Variants in ORC2 observed in about 807,000 individuals in gnomAD.
The protein encoded by ORC2 is origin recognition complex protein 2 homolog.
In ORC2, 37 loss-of-function variants were observed where a neutral mutation model predicts 77.7. That is an observed-to-expected ratio of 0.48 (90% confidence interval 0.37 to 0.63). The LOEUF (loss-of-function observed/expected upper bound fraction) is 0.63. Among genes scored for constraint, ORC2 ranks in the 20% least tolerant of loss-of-function variants. ORC2 has a pLI of 0.00. For missense variants in ORC2, 557 were observed against 661.9 expected, an observed-to-expected ratio of 0.84 and a Z score of 1.74; for synonymous variants, 201 against 229.5, an observed-to-expected ratio of 0.88 and a Z score of 1.12.
At chr2:200,938,529 G>A (rs927835431) in intron 7 of ORC2, among the ~76,000 whole-genome samples, 10 of 151,988 alleles carry the variant, frequency 6.6e-5, no homozygotes, top group African/African-American at 1.9e-4. Context: ...CTTTTTGTAG[G>A]AGTACAAAGT....
chr2:200,933,785 C>T (rs968544947), intron 10 of ORC2, 91 bp downstream of exon 10: 1 of 637,030 alleles, frequency 1.6e-6, no homozygotes. Context: ...AATAATTCTA[C>T]TTGTGTATAC....
At chr2:200,918,572 T>C (rs1224243076) in intron 15 of ORC2, among the ~76,000 whole-genome samples, 2 of 151,138 alleles carry the variant, frequency 1.3e-5, no homozygotes, top group South Asian at 2.1e-4. Flanking sequence ...TACTGCAACC[T>C]CCGCCTCCTG....
intron 17 of ORC2, among the ~76,000 whole-genome samples, chr2:200,912,538 C>T (rs1242112208): frequency 2.0e-5 from 3 of 152,160 alleles, no homozygotes; most frequent in Non-Finnish European, 4.4e-5. Context: ...ACCTCAGCCT[C>T]CTGGGCAGCT....
chr2:200,910,225 A>C lies in ORC2; in HGVS notation c.*1076T>G, dbSNP rs1479956180. 6.6e-6 allele frequency: 1 copy of C among 152,234 alleles called. No individual in the cohort carries two copies. The highest frequency in any genetic ancestry group is 1.5e-5 in the Non-Finnish European group (1 of 68,044). The allele number at this position is 152,234 out of a possible 1,614,324, so 9.4% of individuals were successfully genotyped here. A position where few individuals can be genotyped will look rare whatever the true frequency, so the allele number is the denominator to read the frequency against. Reference sequence around the variant, plus strand: ...ATTTTCAGGAAGAACTTCATTTCCAAGTGTCAAATATTTCAGGGGGTATGT... The same window carrying C: ...ATTTTCAGGAAGAACTTCATTTCCACGTGTCAAATATTTCAGGGGGTATGT... On this transcript the variant is annotated 3_prime_UTR_variant, in exon 18 of 18. Transcript: ENST00000234296.
At chr2:200,956,058 T>C (rs1054216596) in intron 4 of ORC2, among the ~76,000 whole-genome samples, 1 of 152,172 alleles carries the variant, frequency 6.6e-6, no homozygotes, top group Non-Finnish European at 1.5e-5. Context: ...AAGTTAAAAA[T>C]ATAAATATCT....
At chr2:200,953,359 T>C (rs2041400914) in intron 4 of ORC2, among the ~76,000 whole-genome samples, 1 of 151,798 alleles carries the variant, frequency 6.6e-6, no homozygotes, top group African/African-American at 2.4e-5. Context: ...AACGATATGT[T>C]AAATTTAAAA....
At chr2:200,945,709 T>G (rs932103529) in intron 5 of ORC2, among the ~76,000 whole-genome samples, 3 of 152,238 alleles carry the variant, frequency 2.0e-5, no homozygotes, top group Non-Finnish European at 4.4e-5. Flanking sequence ...TTTAGATTAG[T>G]CTATTATCTG....
At chr2:200,945,181 T>G (rs1291434080) in intron 5 of ORC2, among the ~76,000 whole-genome samples, 1 of 152,258 alleles carries the variant, frequency 6.6e-6, no homozygotes, top group Non-Finnish European at 1.5e-5. Context: ...TGTACAGTTT[T>G]TATTCTTTTC....
intron 4 of ORC2, among the ~76,000 whole-genome samples, chr2:200,952,067 T>C (rs2125024686): frequency 6.6e-6 from 1 of 152,138 alleles, no homozygotes; most frequent in South Asian, 2.1e-4. Flanking sequence ...AATGGGAATA[T>C]ACAATTGTCC....
rs780486728 is a variant in ORC2 at position 200,926,861 on chromosome 2, C to T, written c.957G>A (p.Lys319=). 1.2e-5 allele frequency: 20 copies of T among 1,613,904 alleles called. No homozygotes were observed. The East Asian group carries it at 1.8e-4, about 14-fold the overall frequency. The change falls in exon 12 of 18, where the codon AAG becomes AAA. Residue 319 remains lysine (K), a synonymous_variant. Coordinates refer to ENST00000234296, the MANE Select transcript of ORC2 (RefSeq NM_006190.5). The part of the protein sequence containing the change: ...FNIVLYGLGS[K]RDLLERFRTT... ...TTCGAAACCTTTCTAGTAAATCTCT[C>T]TTAGAACCCAAACCATAAAGCACAA...
At chr2:200,915,366 C>T (rs1456472685) in intron 15 of ORC2, among the ~76,000 whole-genome samples, 2 of 152,024 alleles carry the variant, frequency 1.3e-5, no homozygotes, top group Non-Finnish European at 2.9e-5. Context: ...TTAACAACTG[C>T]TTATCTACCA....
rs748167008 is a variant in ORC2, at chr2:200,921,182, G to C, written c.1148-43C>G. 7 of 1,367,262 alleles carry C rather than the reference G, an allele frequency of 5.1e-6. No homozygotes were observed. In the South Asian group the frequency reaches 9.6e-5, roughly 19 times the overall value. 84.7% of individuals were successfully genotyped at this position (1,367,262 alleles called of 1,614,324 possible). On this transcript the variant is annotated intron_variant, in intron 13 of 17. Coordinates refer to ENST00000234296, the MANE Select transcript of ORC2 (RefSeq NM_006190.5). ...CCAATTATTATTATTATTATTTTTA[G>C]AGGGTCTCACTCTGTTGCCTAGGCT...
intron 5 of ORC2, among the ~76,000 whole-genome samples, chr2:200,947,599 T>C (rs946238879): frequency 1.3e-5 from 2 of 152,240 alleles, no homozygotes; most frequent in African/African-American, 4.8e-5. Context: ...CCTGACTTTT[T>C]GGTATTTCCA....
At chr2:200,939,043 G>A (rs1288001992) in intron 7 of ORC2, among the ~76,000 whole-genome samples, 3 of 148,048 alleles carry the variant, frequency 2.0e-5, no homozygotes, top group African/African-American at 5.0e-5. Context: ...TTCCTCAGGG[G>A]GAAAAAAAAA....
intron 1 of ORC2, chr2:200,963,143 T>A (rs1473930320): frequency 7.3e-6 from 2 of 274,634 alleles, no homozygotes; most frequent in South Asian, 3.4e-4. Flanking sequence ...TAGGTTAGTA[T>A]CAGGCGTCCC....
At chr2:200,930,277 A>G (rs999329805) in intron 11 of ORC2, among the ~76,000 whole-genome samples, 1 of 152,232 alleles carries the variant, frequency 6.6e-6, no homozygotes, top group African/African-American at 2.4e-5. Flanking sequence ...TAAAGAGGCA[A>G]GGAATTCAGA....
Position 200,942,693 on chromosome 2 carries a change from C to T in ORC2, c.413G>A (p.Ser138Asn). The change falls in exon 6 of 18, where the codon AGT becomes AAT. Residue 138 changes from serine (S) to asparagine (N), a missense_variant. Ser to Asn is a conservative substitution (Grantham distance 46). Coordinates refer to ENST00000234296, the MANE Select transcript of ORC2 (RefSeq NM_006190.5). ...CTAATGTAATGTCTTACCCTTGCTACTTTGAGGAACGTTTATCGTAATCTC... is the reference window on the plus strand; with the variant it reads ...CTAATGTAATGTCTTACCCTTGCTATTTTGAGGAACGTTTATCGTAATCTC... ...DPEITINVPQ[S>N]SKGHSASDKV... is the part of the protein sequence containing the mutation. 1 of 1,595,078 alleles carries T rather than the reference C, an allele frequency of 6.3e-7. No individual in the cohort carries two copies. Among genetic ancestry groups the T allele is most frequent in the Non-Finnish European group, 8.6e-7 (1 of 1,166,696 alleles).
At chr2:200,922,709 C>A (rs903176829) in intron 13 of ORC2, among the ~76,000 whole-genome samples, 6 of 152,162 alleles carry the variant, frequency 3.9e-5, no homozygotes, top group Non-Finnish European at 7.4e-5. Flanking sequence ...AGTATCAAAA[C>A]CAAAAACACC....
chr2:200,941,346 A>G, intron 6 of ORC2, 67 bp from the exon 7 acceptor site: 2 of 1,467,898 alleles, frequency 1.4e-6, no homozygotes, highest in Non-Finnish European at 1.9e-6. Flanking sequence ...GTCTAGTTTC[A>G]TTAAAAGTAA....
Sources: allele counts gnomAD v4.1 joint callset (sites outside exome capture counted in the v4.1 genomes callset), GRCh38; gene constraint gnomAD v4.1.1; transcripts MANE v1.5; gene names NCBI Gene and HGNC (gene_info 2026-07-23, HGNC 2026-07-21).